The following AUH variants were observed in gnomAD, a reference collection of about 807,000 sequenced individuals.
The protein encoded by AUH is methylglutaconyl-CoA hydratase, mitochondrial.
A neutral mutation model predicts 42.3 loss-of-function variants in AUH; 29 were observed. The ratio of observed to expected loss-of-function variants is 0.69; its 90% CI spans 0.51 to 0.93. AUH has a LOEUF of 0.93. Ranked by LOEUF, AUH falls within the 40% of genes least tolerant of loss-of-function variation. AUH has a pLI of 0.00. For synonymous variants in AUH, 174 were observed against 166.4 expected (o/e 1.05, Z -0.35); for missense variants, 452 against 438.1 (o/e 1.03, Z -0.28).
chr9:91,281,922 T>G (rs963834368), intron 6 of AUH, among the ~76,000 whole-genome samples: 18 of 152,136 alleles, frequency 1.2e-4, no homozygotes, highest in African/African-American at 4.1e-4. Context: ...CCTAACACAG[T>G]GATGACAATG....
intron 6 of AUH, among the ~76,000 whole-genome samples, chr9:91,273,935 AGGG>A (rs1825353189): frequency 6.6e-6 from 1 of 152,216 alleles, no homozygotes; most frequent in Admixed American, 6.5e-5. Flanking sequence ...GAGGTGGAAA[AGGG>A]CTGACCAGGT....
At chr9:91,318,478 ATGTATTTACC>A (rs1327936411) in intron 4 of AUH, among the ~76,000 whole-genome samples, 1 of 152,164 alleles carries the variant, frequency 6.6e-6, no homozygotes, top group Non-Finnish European at 1.5e-5. Context: ...CCTGATGCAC[ATGTATTTACC>A]TGGATGTTTG....
At chr9:91,322,969 C>G (rs914388020) in intron 4 of AUH, among the ~76,000 whole-genome samples, 4 of 152,126 alleles carry the variant, frequency 2.6e-5, no homozygotes, top group African/African-American at 9.7e-5. Context: ...ATTTTAAAAG[C>G]ATTTGACAAA....
intron 6 of AUH, among the ~76,000 whole-genome samples, chr9:91,285,695 G>A (rs1010176042): frequency 3.3e-5 from 5 of 152,028 alleles, no homozygotes; most frequent in Non-Finnish European, 7.4e-5. Context: ...AAAATGGTCT[G>A]TACACAGTAC....
At chr9:91,256,388 A>G (rs1214345983) in intron 6 of AUH, among the ~76,000 whole-genome samples, 1 of 152,072 alleles carries the variant, frequency 6.6e-6, no homozygotes, top group Non-Finnish European at 1.5e-5. Flanking sequence ...GATTCTAAAG[A>G]CAGCAACAAA....
intron 3 of AUH, among the ~76,000 whole-genome samples, chr9:91,334,674 C>T (rs957741896): frequency 6.6e-6 from 1 of 152,144 alleles, no homozygotes; most frequent in African/African-American, 2.4e-5. Flanking sequence ...CCCTAATACA[C>T]TTATTAAATT....
rs548699465 is a variant in AUH at position 91,233,924 on chromosome 9, C to G, written c.656-12932G>C. On this transcript the variant is annotated intron_variant, in intron 6 of 9. Coordinates refer to ENST00000375731, the MANE Select transcript of AUH (RefSeq NM_001698.3). ...TATTTGTCAGGGTTATTTTTAACAC[C>G]AGTGATTCCATTTTGATTCCTCAGA... Among the ~76,000 whole-genome samples the G allele has an allele frequency of 9.9e-5, 15 of 152,266 alleles. No individual in the cohort carries two copies. In the South Asian group the frequency reaches 3.1e-3, roughly 32 times the overall value.
chr9:91,290,041 C>G (rs905560417), intron 6 of AUH, among the ~76,000 whole-genome samples: 1 of 152,054 alleles, frequency 6.6e-6, no homozygotes, highest in Non-Finnish European at 1.5e-5. Context: ...AAATTCAAAG[C>G]TACATAACAT....
intron 6 of AUH, among the ~76,000 whole-genome samples, chr9:91,224,242 A>G (rs1827303265): frequency 6.6e-6 from 1 of 152,208 alleles, no homozygotes. Context: ...CTTATTGGCC[A>G]TCCATATATT....
intron 4 of AUH, among the ~76,000 whole-genome samples, chr9:91,318,888 TA>T (rs1422156597): frequency 6.6e-6 from 1 of 152,162 alleles, no homozygotes; most frequent in Admixed American, 6.5e-5. Context: ...TGGCAACAAT[TA>T]ATAAAATTCA....
In AUH at chr9:91,361,236, A is replaced by T. The variant is rs184436675; in HGVS notation, c.262+392T>A. ...AAAAGGCAGTTTCACCGCAGCTTTT[A>T]CAACTCCACCACTAATAGCTGAGTT... On this transcript the variant is annotated intron_variant, in intron 1 of 9. Transcript: ENST00000375731. Among the ~76,000 whole-genome samples the T allele has an allele frequency of 1.5e-3, 229 of 152,332 alleles. 1 individual carries two copies. The highest frequency in any genetic ancestry group is 4.9e-3 in the African/African-American group (204 of 41,578).
chr9:91,315,491 G>A (rs913230598), intron 4 of AUH, among the ~76,000 whole-genome samples: 1 of 152,174 alleles, frequency 6.6e-6, no homozygotes, highest in African/African-American at 2.4e-5. Flanking sequence ...TCTGGCCAGA[G>A]GCTGTGCTTC....
intron 4 of AUH, among the ~76,000 whole-genome samples, chr9:91,324,156 T>C (rs556796369): frequency 6.6e-6 from 1 of 152,164 alleles, no homozygotes; most frequent in Non-Finnish European, 1.5e-5. Context: ...AATAAACAAG[T>C]AGTTATTAAA....
chr9:91,295,264 T>C (rs1398089869), intron 6 of AUH, among the ~76,000 whole-genome samples: 1 of 152,186 alleles, frequency 6.6e-6, no homozygotes, highest in African/African-American at 2.4e-5. Context: ...CATATGTCTT[T>C]ATTAGCTGCA....
At chr9:91,358,637 T>C (rs1832619095) in intron 1 of AUH, among the ~76,000 whole-genome samples, 1 of 152,208 alleles carries the variant, frequency 6.6e-6, no homozygotes, top group Non-Finnish European at 1.5e-5. Context: ...ACACCTCTCA[T>C]GCAGTAAGTA....
chr9:91,321,379 TTTTTG>T (rs1386140309), intron 4 of AUH, among the ~76,000 whole-genome samples: 1 of 152,196 alleles, frequency 6.6e-6, no homozygotes, highest in Non-Finnish European at 1.5e-5. Context: ...TTATCTTTGG[TTTTTG>T]TTTTGTTTTT....
chr9:91,296,644 T>C (rs1211211797), intron 5 of AUH, among the ~76,000 whole-genome samples: 1 of 151,920 alleles, frequency 6.6e-6, no homozygotes, highest in Non-Finnish European at 1.5e-5. Flanking sequence ...TATCCAAATA[T>C]ACTTAGACTA....
intron 6 of AUH, among the ~76,000 whole-genome samples, chr9:91,278,913 G>A (rs545780524): frequency 6.6e-5 from 10 of 152,198 alleles, no homozygotes; most frequent in East Asian, 1.9e-4. Flanking sequence ...AAAAGATTCC[G>A]TAAGGGATAA....
intron 3 of AUH, among the ~76,000 whole-genome samples, chr9:91,329,496 A>T (rs964284723): frequency 3.9e-5 from 6 of 152,146 alleles, no homozygotes; most frequent in Admixed American, 3.3e-4. Context: ...CCTAATGACT[A>T]ATGAGGTTAA....
Sources: allele counts gnomAD v4.1 joint callset (sites outside exome capture counted in the v4.1 genomes callset), GRCh38; gene constraint gnomAD v4.1.1; transcripts MANE v1.5; gene names NCBI Gene and HGNC (gene_info 2026-07-23, HGNC 2026-07-21).